Variants in AGTPBP1 observed in about 807,000 individuals in gnomAD.
AGTPBP1 encodes cytosolic carboxypeptidase 1.
A neutral mutation model predicts 143.9 loss-of-function variants in AGTPBP1; 70 were observed. That is an observed-to-expected ratio of 0.49 (90% CI 0.40 to 0.59). AGTPBP1 has a LOEUF of 0.59. AGTPBP1 is among the 20% of genes least tolerant of loss of function. AGTPBP1 has a pLI of 0.00. For synonymous variants in AGTPBP1, 463 were observed against 500.2 expected (o/e 0.93, Z 0.99); for missense variants, 1,229 against 1,464.5 (o/e 0.84, Z 2.62).
intron 2 of AGTPBP1, among the ~76,000 whole-genome samples, chr9:85,711,697 C>T (rs1053593027): frequency 6.6e-6 from 1 of 152,110 alleles, no homozygotes; most frequent in East Asian, 1.9e-4. Context: ...GCCTCGACCT[C>T]CCAAAGTGCT....
intron 2 of AGTPBP1, among the ~76,000 whole-genome samples, chr9:85,710,929 C>T (rs1472491003): frequency 6.6e-6 from 1 of 152,002 alleles, no homozygotes; most frequent in Non-Finnish European, 1.5e-5. Flanking sequence ...ATGCCTAATT[C>T]CTTTCCTATA....
At chr9:85,557,362 C>T (rs748136210) in intron 25 of AGTPBP1, among the ~76,000 whole-genome samples, 4 of 152,144 alleles carry the variant, frequency 2.6e-5, no homozygotes, top group Non-Finnish European at 4.4e-5. Flanking sequence ...GTGGGTACAA[C>T]AGCATTTCAT....
intron 17 of AGTPBP1, among the ~76,000 whole-genome samples, chr9:85,606,551 G>T (rs1244422311): frequency 6.6e-6 from 1 of 151,872 alleles, no homozygotes; most frequent in African/African-American, 2.4e-5. Flanking sequence ...CCCACTACTG[G>T]GTATTTATCC....
At chr9:85,605,270 C>T (rs1829922863) in intron 17 of AGTPBP1, among the ~76,000 whole-genome samples, 1 of 152,160 alleles carries the variant, frequency 6.6e-6, no homozygotes, top group Admixed American at 6.5e-5. Context: ...TGCAAAGGAA[C>T]TCCAATATAT....
Position 85,547,101 on chromosome 9 carries a change from C to A in AGTPBP1, c.*8G>T. On this transcript the variant is annotated 3_prime_UTR_variant, in exon 26 of 26. Coordinates refer to ENST00000357081, the MANE Select transcript of AGTPBP1 (RefSeq NM_001330701.2). ...ATTCTTTGCAGTTAACAAGAGATGG[C>A]AGCGGGCTCAAGGTAGGTATGTTCT... 1 of 1,588,886 alleles carries A rather than the reference C, an allele frequency of 6.3e-7. No homozygotes were observed. Among genetic ancestry groups the A allele is most frequent in the Non-Finnish European group, 8.5e-7 (1 of 1,170,600 alleles).
chr9:85,579,384 A>G (rs1488116756), intron 23 of AGTPBP1, among the ~76,000 whole-genome samples: 2 of 152,208 alleles, frequency 1.3e-5, no homozygotes, highest in Non-Finnish European at 2.9e-5. Context: ...GTCTAAAAAT[A>G]TGAAAAAAAT....
chr9:85,777,003 T>C, the AGTPBP1 span, among the ~76,000 whole-genome samples: 5 of 152,118 alleles, frequency 3.3e-5, no homozygotes, highest in Non-Finnish European at 2.9e-5. Context: ...AGTATTGTCA[T>C]GTAATTGGTG....
intron 2 of AGTPBP1, among the ~76,000 whole-genome samples, chr9:85,710,147 G>C (rs72746622): frequency 2.0e-5 from 3 of 152,082 alleles, no homozygotes; most frequent in Non-Finnish European, 4.4e-5. Context: ...TACAGGCTTT[G>C]TGTAAAAAGA....
intron 20 of AGTPBP1, 93 bp from the exon 21 acceptor site, chr9:85,588,571 T>G (rs1010759758): frequency 3.9e-6 from 5 of 1,293,016 alleles, no homozygotes; most frequent in Non-Finnish European, 5.3e-6. Context: ...CTAACTCAAT[T>G]GTGAATTCTA....
intron 18 of AGTPBP1, among the ~76,000 whole-genome samples, chr9:85,594,675 A>G (rs551910373): frequency 2.0e-5 from 3 of 152,352 alleles, no homozygotes; most frequent in South Asian, 4.1e-4. Context: ...GAAAGTGGTT[A>G]ATAAATGTTT....
At chr9:85,580,808 G>C (rs1015280978) in intron 23 of AGTPBP1, among the ~76,000 whole-genome samples, 1 of 152,138 alleles carries the variant, frequency 6.6e-6, no homozygotes, top group Non-Finnish European at 1.5e-5. Context: ...ATGCACAATG[G>C]AAATCTTATC....
the AGTPBP1 span, among the ~76,000 whole-genome samples, chr9:85,765,355 T>C: frequency 2.6e-5 from 4 of 152,194 alleles, no homozygotes; most frequent in East Asian, 3.8e-4. Flanking sequence ...GGTTAATTCT[T>C]TCCATGAAAC....
At position 85,587,040 on chromosome 9, in the gene AGTPBP1, A is replaced by G. The variant is rs1056269463; in HGVS notation, c.2904-80T>C. ...ATACATTTCTTAAACCCTTATATACATATCTGATTTAACTTTATGCTTCTA... is the reference window on the plus strand; with the variant it reads ...ATACATTTCTTAAACCCTTATATACGTATCTGATTTAACTTTATGCTTCTA... On this transcript the variant is annotated intron_variant, in intron 21 of 25. Transcript: ENST00000357081. 9 of 1,523,898 alleles carry G rather than the reference A, an allele frequency of 5.9e-6. No individual in the cohort carries two copies. The African/African-American group carries it at 6.9e-5, about 12-fold the overall frequency. 94.4% of individuals were successfully genotyped at this position (1,523,898 alleles called of 1,614,324 possible). A position where few individuals can be genotyped will look rare whatever the true frequency, so the allele number is the denominator to read the frequency against.
intron 25 of AGTPBP1, among the ~76,000 whole-genome samples, chr9:85,569,968 C>G (rs1229288128): frequency 6.6e-6 from 1 of 152,216 alleles, no homozygotes; most frequent in Non-Finnish European, 1.5e-5. Flanking sequence ...TTTCTAAGCT[C>G]CAGATAAGTC....
chr9:85,710,101 G>A (rs1024698456), intron 2 of AGTPBP1, among the ~76,000 whole-genome samples: 2 of 151,888 alleles, frequency 1.3e-5, no homozygotes, highest in African/African-American at 4.8e-5. Flanking sequence ...TGGTTAAGTC[G>A]CCATACTGCA....
At chr9:85,649,229 C>T (rs1027436181) in intron 11 of AGTPBP1, among the ~76,000 whole-genome samples, 11 of 152,298 alleles carry the variant, frequency 7.2e-5, no homozygotes, top group African/African-American at 2.2e-4. Context: ...AATTATACTA[C>T]AACTGTATGA....
At chr9:85,722,403 G>A (rs1381381287) in intron 1 of AGTPBP1, among the ~76,000 whole-genome samples, 2 of 151,990 alleles carry the variant, frequency 1.3e-5, no homozygotes, top group African/African-American at 4.8e-5. Context: ...TTGTCTTCTT[G>A]CTTTATTTCA....
the AGTPBP1 span, among the ~76,000 whole-genome samples, chr9:85,782,144 T>C: frequency 6.6e-6 from 1 of 152,216 alleles, no homozygotes; most frequent in Non-Finnish European, 1.5e-5. Context: ...TACTTAAATA[T>C]GGGCACACAA....
chr9:85,718,023 G>C (rs972279655), intron 1 of AGTPBP1, among the ~76,000 whole-genome samples: 1 of 152,068 alleles, frequency 6.6e-6, no homozygotes, highest in South Asian at 2.1e-4. Context: ...ATTTTTTATG[G>C]CTGCATAGTA....
Sources: allele counts gnomAD v4.1 joint callset (sites outside exome capture counted in the v4.1 genomes callset), GRCh38; gene constraint gnomAD v4.1.1; transcripts MANE v1.5; gene names NCBI Gene and HGNC (gene_info 2026-07-23, HGNC 2026-07-21).